SLC20A2: variants seen among roughly 807,000 people sequenced by gnomAD.
SLC20A2 encodes the protein sodium-dependent phosphate transporter 2.
A neutral mutation model predicts 61.0 loss-of-function variants in SLC20A2; 30 were observed. The observed-to-expected ratio is 0.49, with a 90% CI of 0.37 to 0.67. SLC20A2 has a LOEUF of 0.67. SLC20A2 is among the 30% of genes least tolerant of loss of function. The probability of loss-of-function intolerance (pLI) is 0.00; values close to 1 mark genes in which losing one functional copy is unlikely to be tolerated. For missense variants in SLC20A2, 626 were observed against 866.4 expected (o/e 0.72, Z 3.48); for synonymous variants, 351 against 353.3 (o/e 0.99, Z 0.07).
intron 1 of SLC20A2, among the ~76,000 whole-genome samples, chr8:42,517,358 G>A (rs1405928499): frequency 7.7e-6 from 1 of 130,236 alleles, no homozygotes; most frequent in African/African-American, 2.9e-5. Flanking sequence ...ACTGTAGTGA[G>A]ATCCTGTCTC....
At chr8:42,519,443 T>TA (rs11284092) in intron 1 of SLC20A2, among the ~76,000 whole-genome samples, 56,715 of 136,316 alleles carry the variant, frequency 0.42, 12,411 homozygotes, top group Non-Finnish European at 0.51. Flanking sequence ...GACTCCATCT[T>TA]AAAAAAAAAA....
At chr8:42,451,924 G>T (rs573457478) in intron 5 of SLC20A2, among the ~76,000 whole-genome samples, 237 of 127,516 alleles carry the variant, frequency 1.9e-3, no homozygotes, top group African/African-American at 7.1e-3. Flanking sequence ...GGAGGAGGAA[G>T]AGATGAAGAG....
intron 1 of SLC20A2, among the ~76,000 whole-genome samples, chr8:42,513,515 C>T (rs1036496860): frequency 4.6e-5 from 7 of 152,184 alleles, no homozygotes; most frequent in African/African-American, 1.7e-4. Context: ...TATGAAAAAG[C>T]AATACAAGAG....
chr8:42,427,632 C>A (rs935616056), intron 10 of SLC20A2, among the ~76,000 whole-genome samples: 4 of 151,592 alleles, frequency 2.6e-5, no homozygotes, highest in African/African-American at 4.9e-5. Flanking sequence ...AAGGAAAAAA[C>A]AAACTCTTTC....
intron 1 of SLC20A2, among the ~76,000 whole-genome samples, chr8:42,492,087 T>G (rs1324584963): frequency 6.6e-6 from 1 of 152,198 alleles, no homozygotes; most frequent in Non-Finnish European, 1.5e-5. Flanking sequence ...CTGGGTGCGG[T>G]GGCTCACGTC....
upstream of SLC20A2, among the ~76,000 whole-genome samples, chr8:42,506,010 C>T (rs758968204): frequency 3.9e-5 from 6 of 152,052 alleles, no homozygotes; most frequent in African/African-American, 1.2e-4. Flanking sequence ...AGTGCAATCT[C>T]GGCTCACTGC....
chr8:42,533,182 TA>T (rs139308615), intron 1 of SLC20A2, among the ~76,000 whole-genome samples: 6,862 of 152,252 alleles, frequency 0.045, 518 homozygotes, highest in African/African-American at 0.15. Context: ...ACTTCATTCA[TA>T]AAAGCAAAAA....
intron 6 of SLC20A2, among the ~76,000 whole-genome samples, chr8:42,442,836 T>G (rs1358618827): frequency 6.6e-6 from 1 of 152,202 alleles, no homozygotes; most frequent in African/African-American, 2.4e-5. Flanking sequence ...GTCTCATGTA[T>G]TTTGGTCTTT....
At chr8:42,540,300 AAACAAT>A (rs1341277805) in intron 1 of SLC20A2, among the ~76,000 whole-genome samples, 1 of 152,200 alleles carries the variant, frequency 6.6e-6, no homozygotes, top group Non-Finnish European at 1.5e-5. Flanking sequence ...AAAAAAAACA[AAACAAT>A]AACAATAATG....
At chr8:42,494,639 C>T in intron 1 of SLC20A2, among the ~76,000 whole-genome samples, 1 of 152,168 alleles carries the variant, frequency 6.6e-6, no homozygotes, top group Non-Finnish European at 1.5e-5. Flanking sequence ...TTTCAAATGG[C>T]TGCGTAGTGT....
intron 1 of SLC20A2, among the ~76,000 whole-genome samples, chr8:42,515,968 G>A (rs1474193677): frequency 6.6e-6 from 1 of 152,194 alleles, no homozygotes; most frequent in Non-Finnish European, 1.5e-5. Context: ...TGACACCAGT[G>A]CCACACAGAG....
chr8:42,533,808 A>G (rs1305268916), intron 1 of SLC20A2, among the ~76,000 whole-genome samples: 1 of 150,876 alleles, frequency 6.6e-6, no homozygotes, highest in Non-Finnish European at 1.5e-5. Context: ...ACAGGCGTGC[A>G]CCACCATGCC....
At chr8:42,440,726 C>T (rs771269245) in intron 6 of SLC20A2, among the ~76,000 whole-genome samples, 1 of 152,194 alleles carries the variant, frequency 6.6e-6, no homozygotes, top group South Asian at 2.1e-4. Context: ...CCATCAGCAA[C>T]GTACGAGGTT....
chr8:42,479,494 A>G (rs1808396743), intron 1 of SLC20A2, among the ~76,000 whole-genome samples: 1 of 151,986 alleles, frequency 6.6e-6, no homozygotes, highest in South Asian at 2.1e-4. Context: ...TGGTTTACAC[A>G]GTTCTTAAAA....
chr8:42,438,074 A>AAAAAAAAAAAAAAAAAAAAG (rs1804469872), intron 7 of SLC20A2, among the ~76,000 whole-genome samples: 1 of 146,048 alleles, frequency 6.8e-6, no homozygotes, highest in Non-Finnish European at 1.5e-5. Flanking sequence ...AAAAAAAAAA[A>AAAAAAAAAAAAAAAAAAAAG]AAAAAAAAAA....
At chr8:42,475,286 G>A (rs1405953230) in intron 1 of SLC20A2, among the ~76,000 whole-genome samples, 1 of 151,746 alleles carries the variant, frequency 6.6e-6, no homozygotes, top group Non-Finnish European at 1.5e-5. Context: ...TTTTTGTAGA[G>A]ACGGGGTCGC....
intron 3 of SLC20A2, 101 bp from the exon 4 acceptor site, chr8:42,463,191 C>T (rs1806849378): frequency 1.5e-6 from 1 of 657,242 alleles, no homozygotes; most frequent in Non-Finnish European, 2.6e-6. Context: ...TACATACATT[C>T]ATAAGTATTT....
At chr8:42,451,887 T>A (rs1563473539) in intron 5 of SLC20A2, among the ~76,000 whole-genome samples, 1 of 99,906 alleles carries the variant, frequency 1.0e-5, no homozygotes, top group East Asian at 3.1e-4. Context: ...GAGGAAGAGA[T>A]GAAGAGGAAG....
At position 42,447,584 on chromosome 8, in the gene SLC20A2, A is replaced by G. The variant is rs549077621; in HGVS notation, c.614-2822T>C. ...TCCCAGCTACTCCGGAGGCTGAGGC[A>G]GGAGAATGGCATGAACCCGGAAGGT... On this transcript the variant is annotated intron_variant, in intron 5 of 10. Coordinates refer to ENST00000520262, the MANE Select transcript of SLC20A2 (RefSeq NM_001257180.2). Among the ~76,000 whole-genome samples, 6 of 152,002 alleles carry G rather than the reference A, an allele frequency of 3.9e-5. No homozygotes were observed. In the East Asian group the frequency reaches 1.2e-3, roughly 30 times the overall value.
Sources: allele counts gnomAD v4.1 joint callset (sites outside exome capture counted in the v4.1 genomes callset), GRCh38; gene constraint gnomAD v4.1.1; transcripts MANE v1.5; gene names NCBI Gene and HGNC (gene_info 2026-07-23, HGNC 2026-07-21).